CALN1: variants seen among roughly 807,000 people sequenced by gnomAD.
CALN1 encodes calcium-binding protein 8.
CALN1 carries 17 observed loss-of-function variants against 30.6 expected under a neutral mutation model. The ratio of observed to expected loss-of-function variants is 0.56; its 90% confidence interval spans 0.38 to 0.83. CALN1 has a LOEUF of 0.83. CALN1 is among the 40% of genes least tolerant of loss of function. The probability of loss-of-function intolerance (pLI) is 0.00; values close to 1 mark genes in which losing one functional copy is unlikely to be tolerated. For synonymous variants in CALN1, 156 were observed against 131.4 expected (o/e 1.19, Z -1.28); for missense variants, 291 against 354.9 (o/e 0.82, Z 1.45).
chr7:72,428,883 G>A (rs1554406940), intron 1 of CALN1, among the ~76,000 whole-genome samples: 1 of 152,162 alleles, frequency 6.6e-6, no homozygotes, highest in Non-Finnish European at 1.5e-5. Flanking sequence ...GAGAATCACA[G>A]AAGGGGAACC....
chr7:72,476,951 A>G, the CALN1 span, among the ~76,000 whole-genome samples: 1 of 152,294 alleles, frequency 6.6e-6, no homozygotes, highest in African/African-American at 2.4e-5. Flanking sequence ...TGGCTCACGC[A>G]TGTAATCCCA....
chr7:71,992,639 T>C (rs1284931918), intron 5 of CALN1, among the ~76,000 whole-genome samples: 1 of 152,232 alleles, frequency 6.6e-6, no homozygotes, highest in Non-Finnish European at 1.5e-5. Context: ...ATTATATGTG[T>C]AAGCCATCGC....
At chr7:72,503,492 T>G in the CALN1 span, among the ~76,000 whole-genome samples, 1 of 152,206 alleles carries the variant, frequency 6.6e-6, no homozygotes, top group Non-Finnish European at 1.5e-5. Flanking sequence ...CAGAAATACC[T>G]GCAGCCTTCC....
chr7:72,081,093 T>C (rs566133443), intron 4 of CALN1, among the ~76,000 whole-genome samples: 1 of 152,298 alleles, frequency 6.6e-6, no homozygotes, highest in Non-Finnish European at 1.5e-5. Context: ...TGGACATTTG[T>C]TCCTCATTTA....
chr7:71,931,154 T>C (rs1042871558), intron 5 of CALN1, among the ~76,000 whole-genome samples: 4 of 152,216 alleles, frequency 2.6e-5, no homozygotes, highest in Non-Finnish European at 4.4e-5. Flanking sequence ...GGTACATGAA[T>C]AAGAAAAACT....
intron 5 of CALN1, among the ~76,000 whole-genome samples, chr7:71,887,669 G>T (rs549761753): frequency 6.6e-6 from 1 of 152,216 alleles, no homozygotes; most frequent in East Asian, 1.9e-4. Flanking sequence ...TAGAGCGGGG[G>T]TCTCTGCAAA....
intron 3 of CALN1, among the ~76,000 whole-genome samples, chr7:72,264,188 TC>T (rs1305296050): frequency 2.0e-5 from 3 of 152,244 alleles, no homozygotes; most frequent in Non-Finnish European, 4.4e-5. Context: ...GTGAAGGAAG[TC>T]CCTCTGCTCT....
At position 72,090,096 on chromosome 7, in the gene CALN1, G is replaced by C. The variant is rs112290912; in HGVS notation, c.388+16055C>G. On this transcript the variant is annotated intron_variant, in intron 4 of 6. Coordinates refer to ENST00000395275, the MANE Select transcript of CALN1 (RefSeq NM_031468.4). ...GCAGATCGCTGGAGGTCAGGAGTTC[G>C]AGACTAGCCCGGCCAACATGGTGAA... 3.5e-3 allele frequency among the ~76,000 whole-genome samples: 534 copies of C among 152,242 alleles called. 7 individuals carry two copies. Among genetic ancestry groups the C allele is most frequent in the African/African-American group, 0.012 (500 of 41,528 alleles).
At chr7:72,485,065 GCA>G in the CALN1 span, among the ~76,000 whole-genome samples, 2 of 151,984 alleles carry the variant, frequency 1.3e-5, no homozygotes, top group Non-Finnish European at 2.9e-5. Context: ...TCTAAATAAT[GCA>G]CAGTCTCTAC....
chr7:72,126,125 T>A (rs866985916), intron 3 of CALN1, among the ~76,000 whole-genome samples: 5 of 152,166 alleles, frequency 3.3e-5, no homozygotes, highest in Admixed American at 2.6e-4. Context: ...TGCCTCTGCA[T>A]CCTCATAGCT....
chr7:71,996,060 A>G (rs1304083237), intron 5 of CALN1, among the ~76,000 whole-genome samples: 1 of 152,110 alleles, frequency 6.6e-6, no homozygotes, highest in Non-Finnish European at 1.5e-5. Context: ...CCCTGTATAA[A>G]CCAGGCTGGC....
At chr7:72,179,668 A>C (rs1028265819) in intron 3 of CALN1, among the ~76,000 whole-genome samples, 1 of 152,194 alleles carries the variant, frequency 6.6e-6, no homozygotes, top group African/African-American at 2.4e-5. Context: ...TAACTAAATG[A>C]ATCGCCATAT....
intron 4 of CALN1, among the ~76,000 whole-genome samples, chr7:72,027,238 G>C (rs961427932): frequency 6.6e-6 from 1 of 152,240 alleles, no homozygotes; most frequent in Middle Eastern, 3.4e-3. Context: ...AAAAAGAAGA[G>C]GAAGGTTAAG....
chr7:72,116,089 T>C (rs1807966913), intron 3 of CALN1, among the ~76,000 whole-genome samples: 1 of 152,130 alleles, frequency 6.6e-6, no homozygotes, highest in Admixed American at 6.5e-5. Context: ...TAAAAAGGGA[T>C]TGTGACTCCT....
At chr7:72,329,594 C>T (rs993174338) in intron 2 of CALN1, among the ~76,000 whole-genome samples, 12 of 152,176 alleles carry the variant, frequency 7.9e-5, no homozygotes, top group South Asian at 2.1e-4. Flanking sequence ...GAAGTTCTTC[C>T]GCAGATATTT....
At chr7:72,456,597 G>C in the CALN1 span, among the ~76,000 whole-genome samples, 3 of 151,776 alleles carry the variant, frequency 2.0e-5, no homozygotes, top group Non-Finnish European at 4.4e-5. Flanking sequence ...CATGCCTGTA[G>C]TCCCAGCACT....
At chr7:71,910,653 G>A (rs1727398527) in intron 5 of CALN1, among the ~76,000 whole-genome samples, 1 of 152,234 alleles carries the variant, frequency 6.6e-6, no homozygotes, top group South Asian at 2.1e-4. Flanking sequence ...GTAGAGTTAT[G>A]TAAGAACAGA....
chr7:72,368,491 G>C (rs972144206), intron 2 of CALN1, among the ~76,000 whole-genome samples: 1 of 151,758 alleles, frequency 6.6e-6, no homozygotes, highest in Non-Finnish European at 1.5e-5. Flanking sequence ...CCAATTGAGT[G>C]TGTGATAAAT....
intron 2 of CALN1, among the ~76,000 whole-genome samples, chr7:72,382,937 C>T (rs572384308): frequency 5.9e-5 from 9 of 152,218 alleles, no homozygotes; most frequent in East Asian, 3.9e-4. Context: ...TACAGGTGCA[C>T]GCCTCTACGC....
Sources: gnomAD v4.1 joint callset for allele counts (sites outside exome capture counted in the v4.1 genomes callset) on GRCh38, gnomAD v4.1.1 for gene constraint, MANE v1.5 for transcripts, NCBI Gene and HGNC (gene_info 2026-07-23, HGNC 2026-07-21) for gene names.